The following IGFBP7 variants were observed in gnomAD, a reference collection of about 807,000 sequenced individuals.
IGFBP7 encodes insulin like growth factor binding protein 7.
In IGFBP7, 31 loss-of-function variants were observed where a neutral mutation model predicts 29.4. That is an observed-to-expected ratio of 1.05 (90% CI 0.79 to 1.42). The LOEUF is 1.42. Among genes scored for constraint, IGFBP7 ranks in the 40% most tolerant of loss-of-function variants. The pLI is 0.00. For synonymous variants in IGFBP7, 172 were observed against 174.9 expected (o/e 0.98, Z 0.13); for missense variants, 393 against 395.5 (o/e 0.99, Z 0.05).
chr4:57,071,938 C>T (rs1289940941), intron 1 of IGFBP7, among the ~76,000 whole-genome samples: 1 of 151,960 alleles, frequency 6.6e-6, no homozygotes, highest in Non-Finnish European at 1.5e-5. Context: ...AAGTTCGAGA[C>T]CAGCCTGGGA....
At chr4:57,054,571 G>A (rs867806510) in intron 1 of IGFBP7, among the ~76,000 whole-genome samples, 1 of 149,658 alleles carries the variant, frequency 6.7e-6, no homozygotes, top group African/African-American at 2.5e-5. Context: ...CCTGGGAGGC[G>A]GAGGTTGCAG....
At position 57,030,886 on chromosome 4, in the gene IGFBP7, T is replaced by C; in HGVS notation, c.*431A>G. 6.4e-7 allele frequency: 1 copy of C among 1,558,554 alleles called. No individual in the cohort carries two copies. The highest frequency in any genetic ancestry group is 8.9e-7 in the Non-Finnish European group (1 of 1,129,336). On this transcript the variant is annotated 3_prime_UTR_variant, in exon 5 of 5. Transcript: ENST00000295666. ...TACAATTCTGCTAATTACCATTTGT[T>C]TTTTCTTTTCAGATTTCTTTGGTGC...
chr4:57,088,115 T>C lies in IGFBP7; in HGVS notation c.475+21762A>G, dbSNP rs1725539735. ...TCCTGAGTAGCTGGGACTACAGATATGCACTACCACACCTGGCTAATCTTT... is the reference window on the plus strand; with the variant it reads ...TCCTGAGTAGCTGGGACTACAGATACGCACTACCACACCTGGCTAATCTTT... On this transcript the variant is annotated intron_variant, in intron 1 of 4. Transcript: ENST00000295666. Among the ~76,000 whole-genome samples, 2 of 146,880 alleles carry C rather than the reference T, an allele frequency of 1.4e-5. 1 individual carries two copies. The highest frequency in any genetic ancestry group is 3.0e-5 in the Non-Finnish European group (2 of 66,992).
Position 57,091,268 on chromosome 4 carries a change from T to C in IGFBP7, c.475+18609A>G, listed in dbSNP as rs1477633272. Reference sequence around the variant, plus strand: ...TATTAACTATGCAGGGAATTTAATGTAGGAGATACAAGATTAGGAATGGAA... The same window carrying C: ...TATTAACTATGCAGGGAATTTAATGCAGGAGATACAAGATTAGGAATGGAA... On this transcript the variant is annotated intron_variant, in intron 1 of 4. Transcript: ENST00000295666. Among the ~76,000 whole-genome samples, 5 of 152,340 alleles carry C rather than the reference T, an allele frequency of 3.3e-5. No homozygotes were observed. The East Asian group carries it at 9.6e-4, about 29-fold the overall frequency.
intron 1 of IGFBP7, among the ~76,000 whole-genome samples, chr4:57,104,205 T>G (rs1725967600): frequency 6.6e-6 from 1 of 152,220 alleles, no homozygotes; most frequent in African/African-American, 2.4e-5. Context: ...AAAGGCTGAA[T>G]AGTATTCTAT....
chr4:57,054,132 G>C (rs1724582380), intron 1 of IGFBP7, among the ~76,000 whole-genome samples: 1 of 152,084 alleles, frequency 6.6e-6, no homozygotes, highest in African/African-American at 2.4e-5. Flanking sequence ...CTACAGGTGA[G>C]CAACCACCAA....
chr4:57,103,027 T>C (rs764540307), intron 1 of IGFBP7, among the ~76,000 whole-genome samples: 3 of 152,176 alleles, frequency 2.0e-5, no homozygotes, highest in African/African-American at 4.8e-5. Context: ...AGGCACTTTA[T>C]GAGCAGTCAC....
intron 2 of IGFBP7, among the ~76,000 whole-genome samples, chr4:57,034,354 TA>T (rs553472526): frequency 1.5e-4 from 22 of 148,450 alleles, no homozygotes; most frequent in South Asian, 4.3e-4. Flanking sequence ...TGGTGAGTTT[TA>T]AAAAAAAAAG....
At chr4:57,106,692 T>C (rs919725843) in intron 1 of IGFBP7, among the ~76,000 whole-genome samples, 1 of 152,206 alleles carries the variant, frequency 6.6e-6, no homozygotes, top group African/African-American at 2.4e-5. Flanking sequence ...GGATGGTACC[T>C]AATGAGACCA....
At chr4:57,067,635 G>T (rs1204430983) in intron 1 of IGFBP7, among the ~76,000 whole-genome samples, 2 of 152,132 alleles carry the variant, frequency 1.3e-5, no homozygotes, top group African/African-American at 4.8e-5. Context: ...GCACTGTACT[G>T]CACACTTAAA....
rs1223315951 is a variant in IGFBP7, at chr4:57,030,810, C to A, written c.*507G>T. On this transcript the variant is annotated 3_prime_UTR_variant, in exon 5 of 5. Transcript: ENST00000295666. Reference sequence around the variant, plus strand: ...GCTCCACTCATTTATTCATTATCTACAGTACCAGATCTTTGTCTTTTTCTG... The same window carrying A: ...GCTCCACTCATTTATTCATTATCTAAAGTACCAGATCTTTGTCTTTTTCTG... 1 of 751,954 alleles carries A rather than the reference C, an allele frequency of 1.3e-6. No homozygotes were observed. The highest frequency in any genetic ancestry group is 2.4e-6 in the Non-Finnish European group (1 of 413,040). 46.6% of individuals were successfully genotyped at this position (751,954 alleles called of 1,614,324 possible).
At chr4:57,038,433 G>A (rs1041829887) in intron 2 of IGFBP7, among the ~76,000 whole-genome samples, 4 of 152,188 alleles carry the variant, frequency 2.6e-5, no homozygotes, top group African/African-American at 4.8e-5. Flanking sequence ...GGATGCAGGG[G>A]CCCTTGAGGC....
chr4:57,082,456 A>C (rs374012477), intron 1 of IGFBP7, among the ~76,000 whole-genome samples: 4 of 152,168 alleles, frequency 2.6e-5, no homozygotes, highest in African/African-American at 9.7e-5. Context: ...ATGAACTGAA[A>C]TATCACCCCA....
chr4:57,068,983 G>T (rs1276012891), intron 1 of IGFBP7, among the ~76,000 whole-genome samples: 2 of 152,096 alleles, frequency 1.3e-5, no homozygotes, highest in Non-Finnish European at 2.9e-5. Context: ...AAGTGGTAAG[G>T]AAGCCTTTCT....
chr4:57,099,288 A>G (rs1361891438), intron 1 of IGFBP7, among the ~76,000 whole-genome samples: 1 of 152,156 alleles, frequency 6.6e-6, no homozygotes, highest in Non-Finnish European at 1.5e-5. Flanking sequence ...TTCTCCCTCA[A>G]AAAGTCTAAA....
chr4:57,072,501 C>G (rs548994232), intron 1 of IGFBP7, among the ~76,000 whole-genome samples: 5 of 152,108 alleles, frequency 3.3e-5, no homozygotes, highest in African/African-American at 4.8e-5. Context: ...CCACTGCACT[C>G]CAGCCTGGGT....
intron 1 of IGFBP7, among the ~76,000 whole-genome samples, chr4:57,100,441 A>G (rs1725869184): frequency 6.6e-6 from 1 of 152,172 alleles, no homozygotes; most frequent in Non-Finnish European, 1.5e-5. Context: ...AGAGACATTC[A>G]TTCATTTTAA....
chr4:57,099,455 T>C (rs1439944746), intron 1 of IGFBP7, among the ~76,000 whole-genome samples: 8 of 152,062 alleles, frequency 5.3e-5, no homozygotes. Context: ...ACTGGGAAAA[T>C]TGATGATGGG....
At chr4:57,043,733 C>T (rs1724286466) in intron 1 of IGFBP7, among the ~76,000 whole-genome samples, 1 of 152,206 alleles carries the variant, frequency 6.6e-6, no homozygotes, top group Non-Finnish European at 1.5e-5. Flanking sequence ...GGGCTTGGCT[C>T]TTCTGCTGCA....
Sources: allele counts gnomAD v4.1 joint callset (sites outside exome capture counted in the v4.1 genomes callset), GRCh38; gene constraint gnomAD v4.1.1; transcripts MANE v1.5; gene names NCBI Gene and HGNC (gene_info 2026-07-23, HGNC 2026-07-21).